Variants in TNFAIP2 observed in about 807,000 individuals in gnomAD.
TNFAIP2 encodes tumor necrosis factor alpha-induced protein 2.
In TNFAIP2, 47 loss-of-function variants were observed where a neutral mutation model predicts 63.5. The ratio of observed to expected loss-of-function variants is 0.74; its 90% confidence interval spans 0.59 to 0.94. The LOEUF (loss-of-function observed/expected upper bound fraction) is 0.94. TNFAIP2 is among the 40% of genes least tolerant of loss of function. TNFAIP2 has a pLI of 0.00. For synonymous variants in TNFAIP2, 405 were observed against 390.2 expected, an observed-to-expected ratio of 1.04 and a Z score of -0.45; for missense variants, 787 against 850.2, an observed-to-expected ratio of 0.93 and a Z score of 0.92.
rs2087878241 is a variant in TNFAIP2, at chr14:103,127,294, C to G, written c.525C>G (p.Thr175=). ...DRQAAAAGPG[T]SGLAATRPRR... ...AGGCGGCGGCGGCGGGGCCGGGGAC[C>G]TCGGGGCTGGCGGCCACGCGCCCGC... is the stretch of plus-strand genomic sequence containing the variant. The change falls in exon 3 of 12, where the codon ACC becomes ACG. Residue 175 remains threonine, a synonymous_variant. Transcript: ENST00000560869. The surrounding 1 kb of genome is among the most constrained non-coding windows in gnomAD (Gnocchi z 5.1). 1 of 988,452 alleles carries G rather than the reference C, an allele frequency of 1.0e-6. No homozygotes were observed. 61.2% of individuals were successfully genotyped at this position (988,452 alleles called of 1,614,324 possible). A position where few individuals can be genotyped will look rare whatever the true frequency, so the allele number is the denominator to read the frequency against.
chr14:103,136,104 C>A lies in TNFAIP2; in HGVS notation c.*744C>A. On this transcript the variant is annotated 3_prime_UTR_variant, in exon 12 of 12. Coordinates refer to ENST00000560869, the MANE Select transcript of TNFAIP2 (RefSeq NM_006291.4). ...CCAAGACCTCCTGGGTCCTCTCAGG[C>A]TCCCCCTTCCCCAAGGCAGGGACAG... The A allele has an allele frequency of 9.4e-7, 1 of 1,061,418 alleles. No homozygotes were observed. Among genetic ancestry groups the A allele is most frequent in the Non-Finnish European group, 1.2e-6 (1 of 823,526 alleles). The allele number at this position is 1,061,418 out of a possible 1,614,324, so 65.7% of individuals were successfully genotyped here. A position where few individuals can be genotyped will look rare whatever the true frequency, so the allele number is the denominator to read the frequency against.
At position 103,131,142 on chromosome 14, in the gene TNFAIP2, G is replaced by C. The variant is rs527367912; in HGVS notation, c.1290G>C (p.Leu430=). The C allele has an allele frequency of 1.2e-6, 2 of 1,614,164 alleles. No homozygotes were observed. The highest frequency in any genetic ancestry group is 1.3e-5 in the African/African-American group (1 of 75,056). ...TTATTGCCAACATCAACAACTGCCT[G>C]TCCTTCCGGTGAGAGTGTTGGGAGG... ...ANVIANINNC[L]SFRMSMEQNW... Residue 430 remains leucine, a synonymous_variant, in exon 7 of 12, where the codon CTG becomes CTC. Transcript: ENST00000560869. The surrounding 1 kb of genome is among the most constrained non-coding windows in gnomAD (Gnocchi z 4.0).
chr14:103,135,766 C>A lies in TNFAIP2; in HGVS notation c.*406C>A. On this transcript the variant is annotated 3_prime_UTR_variant, in exon 12 of 12. Coordinates refer to ENST00000560869, the MANE Select transcript of TNFAIP2 (RefSeq NM_006291.4). This position sits in a 1 kb window ranked among gnomAD's most constrained non-coding sequence, Gnocchi z 7.6. ...GTGGGGCCGAGGGCCCTCTTCAGCT[C>A]TCTGGAGACAGGGGCCGAGCCTCAC... The A allele has an allele frequency of 7.8e-7, 1 of 1,287,248 alleles. No individual in the cohort carries two copies. Among genetic ancestry groups the A allele is most frequent in the Non-Finnish European group, 1.0e-6 (1 of 990,052 alleles). The allele number at this position is 1,287,248 out of a possible 1,614,324, so 79.7% of individuals were successfully genotyped here.
At chr14:103,125,138 A>G (rs1223693155) in intron 1 of TNFAIP2, among the ~76,000 whole-genome samples, 1 of 152,234 alleles carries the variant, frequency 6.6e-6, no homozygotes, top group East Asian at 1.9e-4. Flanking sequence ...TGAAGTTACC[A>G]TGATACATGA....
rs746351346 is a variant in TNFAIP2, at chr14:103,131,063, C to T, written c.1211C>T (p.Ala404Val). 5 of 1,614,196 alleles carry T rather than the reference C, an allele frequency of 3.1e-6. No individual in the cohort carries two copies. In the South Asian group the frequency reaches 3.3e-5, roughly 11 times the overall value. Residue 404 changes from alanine to valine, a missense_variant, in exon 7 of 12, where the codon GCC becomes GTC. Around this residue, in one of 3 missense-constraint regions of TNFAIP2, gnomAD observed 523 missense variants for 604.1 expected, o/e 0.87. Transcript: ENST00000560869. The surrounding 1 kb of genome is among the most constrained non-coding windows in gnomAD (Gnocchi z 4.0). ...TCTGGTTTCGCCAGCTACCAGCGCG[C>T]CTTTAATGAATTTCTGGAGAGAGGC... ...LPAFLRSYQR[A>V]FNEFLERGKQ...
At chr14:103,130,996 T>C (rs2087960156) in intron 6 of TNFAIP2, 56 bp from the exon 7 acceptor site, 2 of 1,575,702 alleles carry the variant, frequency 1.3e-6, no homozygotes, top group African/African-American at 2.7e-5. Flanking sequence ...GGGAGGCTGC[T>C]GCTGTGGTCC....
chr14:103,135,130 G>A lies in TNFAIP2; in HGVS notation c.1824-89G>A, dbSNP rs556011869. On this transcript the variant is annotated intron_variant, in intron 11 of 11. Transcript: ENST00000560869. The surrounding 1 kb of genome is among the most constrained non-coding windows in gnomAD (Gnocchi z 7.6). ...CCTCGTGGGCCGGGCGTTGGCTGTC[G>A]GGCCCTGTGGCACTGGCCGGGAGTG... 602 of 1,559,358 alleles carry A rather than the reference G, an allele frequency of 3.9e-4. 7 individuals are homozygous for A. The South Asian group carries it at 6.2e-3, about 16-fold the overall frequency.
chr14:103,128,237 A>T (rs902448456), intron 3 of TNFAIP2, among the ~76,000 whole-genome samples: 1 of 152,054 alleles, frequency 6.6e-6, no homozygotes, highest in African/African-American at 2.4e-5. Flanking sequence ...CTATGCGGGC[A>T]CCCCCAGGCA....
chr14:103,134,168 G>A (rs554454055), intron 11 of TNFAIP2, among the ~76,000 whole-genome samples: 2 of 152,382 alleles, frequency 1.3e-5, no homozygotes, highest in Admixed American at 6.5e-5. Flanking sequence ...TATGCTCTGG[G>A]ACCAGGGCTC....
chr14:103,125,282 G>C (rs1214073181), intron 1 of TNFAIP2, among the ~76,000 whole-genome samples: 2 of 152,214 alleles, frequency 1.3e-5, no homozygotes, highest in South Asian at 2.1e-4. Flanking sequence ...TTCTCCAGTG[G>C]ACCTGGCCTT....
chr14:103,131,612 G>A lies in TNFAIP2; in HGVS notation c.1299-27G>A, dbSNP rs1485441911. On this transcript the variant is annotated intron_variant, in intron 7 of 11. Coordinates refer to ENST00000560869, the MANE Select transcript of TNFAIP2 (RefSeq NM_006291.4). This position sits in a 1 kb window ranked among gnomAD's most constrained non-coding sequence, Gnocchi z 4.0. Reference sequence around the variant, plus strand: ...GGGGCTATAGGCTGAGCAGGGCTGGGGTGACCTCTCTGCCTCCACCTTCCA... The same window carrying A: ...GGGGCTATAGGCTGAGCAGGGCTGGAGTGACCTCTCTGCCTCCACCTTCCA... The A allele has an allele frequency of 6.4e-7, 1 of 1,573,944 alleles. No homozygotes were observed. The highest frequency in any genetic ancestry group is 8.6e-7 in the Non-Finnish European group (1 of 1,166,150).
intron 5 of TNFAIP2, 27 bp downstream of exon 5, chr14:103,130,151 G>A (rs2234131): frequency 0.6 from 966,966 of 1,604,274 alleles, 294,579 homozygotes; most frequent in Middle Eastern, 0.65. Flanking sequence ...CAGGGCACAC[G>A]TACCGCCCGT....
At position 103,126,563 on chromosome 14, in the gene TNFAIP2, A is replaced by T. The variant is rs938989542; in HGVS notation, c.106A>T (p.Lys36Ter). 20 of 1,558,980 alleles carry T rather than the reference A, an allele frequency of 1.3e-5. No individual in the cohort carries two copies. Among genetic ancestry groups the T allele is most frequent in the Non-Finnish European group, 1.7e-5 (20 of 1,151,730 alleles). Residue 36 changes from lysine (K) to a stop codon, truncating the protein, a stop_gained, in exon 2 of 12, where the codon AAG becomes TAG. Coordinates refer to ENST00000560869, the MANE Select transcript of TNFAIP2 (RefSeq NM_006291.4). LOFTEE classifies it high-confidence loss of function. Reference sequence around the variant, plus strand: ...GAAGAAGAAGAAGGAGAAGAAGAAGAAGTCCAAAGGCCTGGCCAATGTGTT... The same window carrying T: ...GAAGAAGAAGAAGGAGAAGAAGAAGTAGTCCAAAGGCCTGGCCAATGTGTT... ...AAKKKKEKKK[K>*]SKGLANVFCV... is the part of the protein sequence containing the mutation.
At position 103,135,507 on chromosome 14, in the gene TNFAIP2, A is replaced by G; in HGVS notation, c.*147A>G. 2 of 1,491,648 alleles carry G rather than the reference A, an allele frequency of 1.3e-6. No individual in the cohort carries two copies. Among genetic ancestry groups the G allele is most frequent in the Non-Finnish European group, 1.8e-6 (2 of 1,129,950 alleles). 92.4% of individuals were successfully genotyped at this position (1,491,648 alleles called of 1,614,324 possible). On this transcript the variant is annotated 3_prime_UTR_variant, in exon 12 of 12. Transcript: ENST00000560869. This position sits in a 1 kb window ranked among gnomAD's most constrained non-coding sequence, Gnocchi z 7.6. ...TTCTGCCTAGCCCTGGCGGAGGTGC[A>G]GGCCCTGTCAGCTGGAACTGGACAG...
At chr14:103,133,223 T>C (rs2088023055) in intron 9 of TNFAIP2, 139 bp from the exon 10 acceptor site, 1 of 1,103,910 alleles carries the variant, frequency 9.1e-7, no homozygotes, top group African/African-American at 1.6e-5. Flanking sequence ...AACGCACACA[T>C]GTGGACGCAC....
chr14:103,126,104 G>T (rs1402829325), intron 1 of TNFAIP2, among the ~76,000 whole-genome samples: 1 of 152,224 alleles, frequency 6.6e-6, no homozygotes, highest in Non-Finnish European at 1.5e-5. Flanking sequence ...GTATTGGAAG[G>T]GGAGCTGTAG....
chr14:103,132,653 G>A, intron 8 of TNFAIP2, 97 bp from the exon 9 acceptor site: 1 of 1,512,394 alleles, frequency 6.6e-7, no homozygotes, highest in Non-Finnish European at 8.9e-7. Context: ...CCAGGCACAT[G>A]TGTCGGTGTG....
rs760095105 is a variant in TNFAIP2, at chr14:103,130,026, C to A, written c.1000C>A (p.Arg334=). ...GGCCAATGTGAGGGAGTTGATGGACCGAGCTCTGGAGCTAGAGGCACGGCG... is the reference window on the plus strand; with the variant it reads ...GGCCAATGTGAGGGAGTTGATGGACAGAGCTCTGGAGCTAGAGGCACGGCG... ...EAANVRELMD[R]ALELEARRWA... is the part of the protein sequence containing the mutation. Residue 334 remains arginine (R), a synonymous_variant, in exon 5 of 12, where the codon CGA becomes AGA. Coordinates refer to ENST00000560869, the MANE Select transcript of TNFAIP2 (RefSeq NM_006291.4). The A allele has an allele frequency of 1.9e-6, 3 of 1,612,540 alleles. No homozygotes were observed. The highest frequency in any genetic ancestry group is 2.5e-6 in the Non-Finnish European group (3 of 1,179,910).
intron 3 of TNFAIP2, among the ~76,000 whole-genome samples, chr14:103,128,247 A>C (rs921333507): frequency 6.6e-6 from 1 of 152,202 alleles, no homozygotes; most frequent in African/African-American, 2.4e-5. Flanking sequence ...ACCCCCAGGC[A>C]GGAGAGTTCC....
Sources: allele counts gnomAD v4.1 joint callset (sites outside exome capture counted in the v4.1 genomes callset), GRCh38; gene constraint gnomAD v4.1.1; regional missense constraint gnomAD v4.1.1; non-coding constraint Gnocchi (gnomAD v3.1); transcripts MANE v1.5; gene names NCBI Gene and HGNC (gene_info 2026-07-23, HGNC 2026-07-21).